The following GGT1 variants were observed in gnomAD, a reference collection of about 807,000 sequenced individuals.
GGT1 encodes gamma-glutamyltransferase 1, also known as glutathione hydrolase 1 proenzyme.
A neutral mutation model predicts 56.0 loss-of-function variants in GGT1; 21 were observed. That is an observed-to-expected ratio of 0.38 (90% CI 0.27 to 0.54). GGT1 has a LOEUF of 0.54. Ranked by LOEUF, GGT1 falls within the 20% of genes least tolerant of loss-of-function variation. The pLI is 0.82. For synonymous variants in GGT1, 238 were observed against 342.6 expected (o/e 0.69, Z 3.37); for missense variants, 466 against 787.0 (o/e 0.59, Z 4.88).
At chr22:24,598,708 T>C (rs1382923480), upstream of GGT1, among the ~76,000 whole-genome samples, 2 of 152,168 alleles carry the variant, frequency 1.3e-5, no homozygotes, top group African/African-American at 4.8e-5. Flanking sequence ...CATGTGCCAC[T>C]ATGCCCAGCT....
chr22:24,595,038 G>A (rs1432738861), intron 1 of GGT1, among the ~76,000 whole-genome samples: 1 of 152,166 alleles, frequency 6.6e-6, no homozygotes, highest in African/African-American at 2.4e-5. Context: ...GGGGAGAAAG[G>A]AGGGAATGGA....
At chr22:24,599,509 G>C (rs1278245773), upstream of GGT1, 1 of 152,680 alleles carries the variant, frequency 6.5e-6, no homozygotes, top group Admixed American at 6.5e-5. Context: ...ACAGCAGAGG[G>C]GCTGGGACCT....
At position 24,605,766 on chromosome 22, in the gene GGT1, TTATATAATGTGTATTATATATTATATAA is replaced by T. The variant is rs2046190069; in HGVS notation, c.-428-2182_-428-2155del. On this transcript the variant is annotated intron_variant, in intron 1 of 15. Coordinates refer to ENST00000400382, the MANE Select transcript of GGT1 (RefSeq NM_001288833.2). ...AATGTGTATTATATATTATATAATA[TTATATAATGTGTATTATATATTATATAA>T]TATATGATGTGTATTATATATTATA... is the stretch of plus-strand genomic sequence containing the variant. Among the ~76,000 whole-genome samples the T allele has an allele frequency of 8.3e-5, 6 of 71,924 alleles. 1 individual carries two copies. In the South Asian group the frequency reaches 1.5e-3, roughly 18 times the overall value. The allele number at this position is 71,924 out of a possible 152,430, so 47.2% of individuals were successfully genotyped here.
At chr22:24,608,846 TG>T (rs1433435799) in intron 2 of GGT1, 3 of 152,012 alleles carry the variant, frequency 2.0e-5, no homozygotes, top group Non-Finnish European at 4.4e-5. Flanking sequence ...TTAGTGGAGA[TG>T]GGGGTTTCAC....
At chr22:24,591,172 C>T (rs537628588), upstream of GGT1, among the ~76,000 whole-genome samples, 5 of 152,364 alleles carry the variant, frequency 3.3e-5, no homozygotes, top group South Asian at 8.3e-4. Context: ...CTCCGCCTCC[C>T]GGGTTCAAGC....
rs1253029744 is a variant in GGT1, at chr22:24,620,119, G to A, written c.383-209G>A. 1.3e-5 allele frequency among the ~76,000 whole-genome samples: 2 copies of A among 152,154 alleles called. No homozygotes were observed. The highest frequency in any genetic ancestry group is 1.3e-4 in the Admixed American group (2 of 15,264). On this transcript the variant is annotated intron_variant, in intron 7 of 15. Transcript: ENST00000400382. This position sits in a 1 kb window ranked among gnomAD's most constrained non-coding sequence, Gnocchi z 5.6. Reference sequence around the variant, plus strand: ...TAATCTCAGCGACTCAGGAGGCTGAGGTGGGAGGATCGCTTGAATCCAGGA... The same window carrying A: ...TAATCTCAGCGACTCAGGAGGCTGAAGTGGGAGGATCGCTTGAATCCAGGA...
intron 1 of GGT1, among the ~76,000 whole-genome samples, chr22:24,605,207 T>C: frequency 3.8e-5 from 1 of 26,574 alleles, no homozygotes; most frequent in Middle Eastern, 0.024. Flanking sequence ...TAATATGTAT[T>C]ATATTATATA....
At chr22:24,584,581 G>A in the GGT1 span, among the ~76,000 whole-genome samples, 256 of 152,256 alleles carry the variant, frequency 1.7e-3, 2 homozygotes, top group Non-Finnish European at 1.5e-3. Flanking sequence ...TGGATGCGCC[G>A]CTTACAGTCC....
rs1195631870 is a variant in GGT1, at chr22:24,628,531, G to T, written c.1563+143G>T. 1 of 1,179,564 alleles carries T rather than the reference G, an allele frequency of 8.5e-7. No homozygotes were observed. Among genetic ancestry groups the T allele is most frequent in the East Asian group, 2.5e-5 (1 of 39,546 alleles). The allele number at this position is 1,179,564 out of a possible 1,614,324, so 73.1% of individuals were successfully genotyped here. A position where few individuals can be genotyped will look rare whatever the true frequency, so the allele number is the denominator to read the frequency against. Reference sequence around the variant, plus strand: ...CATCTGGAGCCCCTGTGCCATGAGGGCCAAGCCCCCTGCTCCAGTGAGACC... The same window carrying T: ...CATCTGGAGCCCCTGTGCCATGAGGTCCAAGCCCCCTGCTCCAGTGAGACC... On this transcript the variant is annotated intron_variant, in intron 15 of 15. Transcript: ENST00000400382. This position sits in a 1 kb window ranked among gnomAD's most constrained non-coding sequence, Gnocchi z 5.7.
intron 1 of GGT1, among the ~76,000 whole-genome samples, chr22:24,596,244 C>G (rs955408560): frequency 6.6e-6 from 1 of 152,228 alleles, no homozygotes; most frequent in Non-Finnish European, 1.5e-5. Flanking sequence ...ACCACAAACT[C>G]AGTGGCTTAA....
At chr22:24,592,557 C>A (rs2045602582), upstream of GGT1, 12 of 450,642 alleles carry the variant, frequency 2.7e-5, no homozygotes, top group South Asian at 2.1e-4. Context: ...GCTACCGGGC[C>A]ACCCTCAACA....
chr22:24,588,675 T>C, the GGT1 span: 262 of 1,109,004 alleles, frequency 2.4e-4, no homozygotes, highest in Non-Finnish European at 2.8e-4. Flanking sequence ...CTTCGGGGAC[T>C]TGCCACAGGG....
chr22:24,585,120 T>C, the GGT1 span, among the ~76,000 whole-genome samples: 1 of 152,160 alleles, frequency 6.6e-6, no homozygotes. Context: ...CCCACAGAGC[T>C]GCCCCTCGCC....
the GGT1 span, chr22:24,588,146 G>A: frequency 4.1e-6 from 5 of 1,212,742 alleles, no homozygotes; most frequent in African/African-American, 5.9e-5. Context: ...TGGTGAGAGT[G>A]CAGGTGTCAA....
the GGT1 span, chr22:24,588,829 C>T: frequency 3.9e-6 from 4 of 1,013,000 alleles, no homozygotes; most frequent in Non-Finnish European, 3.5e-6. Context: ...TCTGGGCTGA[C>T]AGGGCTGGGG....
At chr22:24,623,376 C>G in intron 10 of GGT1, 120 bp downstream of exon 10, 3 of 1,248,510 alleles carry the variant, frequency 2.4e-6, no homozygotes, top group South Asian at 2.6e-5. Context: ...CACTGAGCTC[C>G]CGAGGTGTGT....
the GGT1 span, chr22:24,586,476 A>C: frequency 6.5e-7 from 1 of 1,528,982 alleles, no homozygotes; most frequent in Non-Finnish European, 8.9e-7. Flanking sequence ...GACCACAGAC[A>C]GTGACCTGTC....
chr22:24,591,787 G>A (rs943960018), upstream of GGT1, among the ~76,000 whole-genome samples: 16 of 152,366 alleles, frequency 1.1e-4, no homozygotes, highest in African/African-American at 3.8e-4. Flanking sequence ...AGATCCAGGA[G>A]GAAGGCTGGC....
upstream of GGT1, chr22:24,603,121 T>TCCCCCCCCCCCCCC: frequency 6.7e-6 from 1 of 149,890 alleles, no homozygotes; most frequent in African/African-American, 2.5e-5. Context: ...AAGCCTCCCC[T>TCCCCCCCCCCCCCC]CCCCCCGCCC....
Sources: allele counts gnomAD v4.1 joint callset (sites outside exome capture counted in the v4.1 genomes callset), GRCh38; gene constraint gnomAD v4.1.1; non-coding constraint Gnocchi (gnomAD v3.1); transcripts MANE v1.5; gene names NCBI Gene and HGNC (gene_info 2026-07-23, HGNC 2026-07-21).